BRINP3: variants seen among roughly 807,000 people sequenced by gnomAD.
BRINP3 encodes BMP/retinoic acid-inducible neural-specific protein 3.
Under a neutral mutation model 71.0 loss-of-function variants are expected in BRINP3, and 19 were observed. The observed-to-expected ratio is 0.27, with a 90% confidence interval of 0.19 to 0.39. The LOEUF is 0.39. BRINP3 is among the 10% of genes least tolerant of loss of function. BRINP3 has a pLI of 1.00. For synonymous variants in BRINP3, 380 were observed against 337.7 expected, an observed-to-expected ratio of 1.13 and a Z score of -1.37; for missense variants, 959 against 940.8, an observed-to-expected ratio of 1.02 and a Z score of -0.25.
intron 2 of BRINP3, among the ~76,000 whole-genome samples, chr1:190,309,772 G>C (rs548033822): frequency 6.6e-6 from 1 of 151,482 alleles, no homozygotes; most frequent in Non-Finnish European, 1.5e-5. Flanking sequence ...TTTTACTTAG[G>C]AAATAATTCT....
intron 6 of BRINP3, among the ~76,000 whole-genome samples, chr1:190,161,869 T>A (rs1456513634): frequency 6.6e-6 from 1 of 152,162 alleles, no homozygotes; most frequent in Non-Finnish European, 1.5e-5. Context: ...TTACACTCAG[T>A]GAAATAAACC....
chr1:190,119,275 T>TATG (rs980865422), intron 7 of BRINP3, among the ~76,000 whole-genome samples: 2 of 28,940 alleles, frequency 6.9e-5, no homozygotes, highest in Non-Finnish European at 1.2e-4. Flanking sequence ...ATTTTTATTT[T>TATG]ATTATTATTA....
chr1:190,226,926 C>T lies in BRINP3; in HGVS notation c.725-608G>A, dbSNP rs190620126. On this transcript the variant is annotated intron_variant, in intron 5 of 7. Coordinates refer to ENST00000367462, the MANE Select transcript of BRINP3 (RefSeq NM_199051.3). ...TCACAGTTTATTTTTTGCCATGTGT[C>T]AACAGTCCTAGTGATATAACTCATT... Among the ~76,000 whole-genome samples the T allele has an allele frequency of 2.8e-3, 425 of 151,896 alleles. 4 individuals carry two copies. Among genetic ancestry groups the T allele is most frequent in the African/African-American group, 9.8e-3 (405 of 41,496 alleles).
At chr1:190,192,243 G>T (rs925360533) in intron 6 of BRINP3, among the ~76,000 whole-genome samples, 5 of 152,086 alleles carry the variant, frequency 3.3e-5, no homozygotes, top group Non-Finnish European at 5.9e-5. Flanking sequence ...ATTTTAAAGT[G>T]AATTTGAAGT....
chr1:190,325,849 CTAATT>C (rs1277758306), intron 2 of BRINP3, among the ~76,000 whole-genome samples: 2 of 152,016 alleles, frequency 1.3e-5, no homozygotes, highest in Non-Finnish European at 2.9e-5. Flanking sequence ...GTTGTGATAT[CTAATT>C]TATACTGCTC....
intron 1 of BRINP3, among the ~76,000 whole-genome samples, chr1:190,459,458 T>C (rs536198588): frequency 2.0e-4 from 31 of 151,970 alleles, no homozygotes; most frequent in African/African-American, 7.5e-4. Context: ...ATATTTACTA[T>C]AACAGTAAAA....
chr1:190,453,251 C>A (rs1372258179), intron 2 of BRINP3, among the ~76,000 whole-genome samples: 1 of 77,504 alleles, frequency 1.3e-5, no homozygotes, highest in Non-Finnish European at 2.4e-5. Context: ...GACGGAGGCT[C>A]GCTCTGTCGC....
intron 7 of BRINP3, among the ~76,000 whole-genome samples, chr1:190,144,313 C>A: frequency 6.6e-6 from 1 of 152,188 alleles, no homozygotes; most frequent in Non-Finnish European, 1.5e-5. Flanking sequence ...CTAACCTGCC[C>A]TAAAACAAAG....
At chr1:190,214,060 T>G (rs1656206300) in intron 6 of BRINP3, among the ~76,000 whole-genome samples, 1 of 151,912 alleles carries the variant, frequency 6.6e-6, no homozygotes, top group Admixed American at 6.6e-5. Flanking sequence ...GGTTGGAGCT[T>G]GAGTCCCCGA....
At chr1:190,244,739 A>G (rs1018951482) in intron 4 of BRINP3, among the ~76,000 whole-genome samples, 5 of 152,050 alleles carry the variant, frequency 3.3e-5, no homozygotes, top group African/African-American at 1.2e-4. Context: ...TTTAACATTT[A>G]ATACAACTAT....
At chr1:190,379,715 T>A (rs1381195467) in intron 2 of BRINP3, among the ~76,000 whole-genome samples, 1 of 151,934 alleles carries the variant, frequency 6.6e-6, no homozygotes, top group Non-Finnish European at 1.5e-5. Context: ...ATAAGAGATT[T>A]AGGGCTGGGC....
intron 7 of BRINP3, among the ~76,000 whole-genome samples, chr1:190,140,601 T>A (rs1369863864): frequency 6.6e-6 from 1 of 152,160 alleles, no homozygotes; most frequent in South Asian, 2.1e-4. Context: ...GGATAAAAAA[T>A]AAATTAATTT....
intron 6 of BRINP3, among the ~76,000 whole-genome samples, chr1:190,172,857 T>C (rs1289303748): frequency 6.6e-6 from 1 of 152,146 alleles, no homozygotes; most frequent in Non-Finnish European, 1.5e-5. Flanking sequence ...AATGGCAGCA[T>C]TCCCAGAAAT....
At chr1:190,149,213 C>A (rs977608655) in intron 7 of BRINP3, among the ~76,000 whole-genome samples, 10 of 152,134 alleles carry the variant, frequency 6.6e-5, no homozygotes, top group African/African-American at 2.4e-4. Flanking sequence ...TGAGTCAGTT[C>A]CAGGATAATC....
At chr1:190,468,333 C>T (rs1676901019) in intron 1 of BRINP3, among the ~76,000 whole-genome samples, 1 of 151,164 alleles carries the variant, frequency 6.6e-6, no homozygotes, top group Non-Finnish European at 1.5e-5. Context: ...TACTTGAAAT[C>T]AGAATTGATT....
chr1:190,396,713 G>GATATATATATATATATATAAT (rs1553310922), intron 2 of BRINP3, among the ~76,000 whole-genome samples: 2 of 101,022 alleles, frequency 2.0e-5, no homozygotes, highest in African/African-American at 3.8e-5. Flanking sequence ...CTAATTTAAT[G>GATATATATATATATATATAAT]ATATATATAT....
intron 7 of BRINP3, among the ~76,000 whole-genome samples, chr1:190,139,422 A>C (rs188408674): frequency 6.8e-6 from 1 of 146,476 alleles, no homozygotes; most frequent in Non-Finnish European, 1.5e-5. Flanking sequence ...ACTGCACTCC[A>C]GCCTGGGTGA....
chr1:190,243,121 G>A lies in BRINP3; in HGVS notation c.619-8644C>T, dbSNP rs187596803. On this transcript the variant is annotated intron_variant, in intron 4 of 7. Coordinates refer to ENST00000367462, the MANE Select transcript of BRINP3 (RefSeq NM_199051.3). Reference sequence around the variant, plus strand: ...ACATTAAAATATAAAACTACACAGTGACTAGACAACAGAAGTTTTCTAAGG... The same window carrying A: ...ACATTAAAATATAAAACTACACAGTAACTAGACAACAGAAGTTTTCTAAGG... 4.6e-5 allele frequency among the ~76,000 whole-genome samples: 7 copies of A among 152,218 alleles called. No homozygotes were observed. The East Asian group carries it at 1.4e-3, about 29-fold the overall frequency.
chr1:190,172,429 C>T (rs930377339), intron 6 of BRINP3, among the ~76,000 whole-genome samples: 3 of 152,016 alleles, frequency 2.0e-5, no homozygotes, highest in Non-Finnish European at 2.9e-5. Flanking sequence ...CTCTCCCATA[C>T]ATTTTTCATA....
Sources: allele counts gnomAD v4.1 joint callset (sites outside exome capture counted in the v4.1 genomes callset), GRCh38; gene constraint gnomAD v4.1.1; transcripts MANE v1.5; gene names NCBI Gene and HGNC (gene_info 2026-07-23, HGNC 2026-07-21).